TMEM131: variants seen among roughly 807,000 people sequenced by gnomAD.
TMEM131 encodes transmembrane protein 131.
TMEM131 carries 66 observed loss-of-function variants against 211.6 expected under a neutral mutation model. The observed-to-expected ratio is 0.31, with a 90% CI of 0.26 to 0.38. TMEM131 has a LOEUF of 0.38. Ranked by LOEUF, TMEM131 falls within the 10% of genes least tolerant of loss-of-function variation. The pLI, the probability that TMEM131 is intolerant of heterozygous loss-of-function variation, is 1.00. For missense variants in TMEM131, 2,036 were observed against 2,299.3 expected (o/e 0.89, Z 2.34); for synonymous variants, 844 against 841.3 (o/e 1.00, Z -0.06).
intron 3 of TMEM131, among the ~76,000 whole-genome samples, chr2:97,891,731 A>G (rs1675382954): frequency 6.6e-6 from 1 of 152,084 alleles, no homozygotes; most frequent in African/African-American, 2.4e-5. Flanking sequence ...TAAACAAAAG[A>G]TACTCTTTGG....
intron 17 of TMEM131, among the ~76,000 whole-genome samples, chr2:97,811,811 T>C (rs181020773): frequency 4.6e-5 from 7 of 152,348 alleles, no homozygotes; most frequent in Admixed American, 2.0e-4. Flanking sequence ...TATCTGATGC[T>C]CCTTCTCACA....
At chr2:97,827,770 A>T (rs1187796631) in intron 11 of TMEM131, among the ~76,000 whole-genome samples, 3 of 152,020 alleles carry the variant, frequency 2.0e-5, no homozygotes, top group Non-Finnish European at 4.4e-5. Context: ...ACAACCAGAA[A>T]ATAGTGTGGG....
chr2:97,952,548 A>C (rs902385768), intron 1 of TMEM131, among the ~76,000 whole-genome samples: 1 of 152,190 alleles, frequency 6.6e-6, no homozygotes, highest in Non-Finnish European at 1.5e-5. Context: ...CATATTTCTT[A>C]AATGCTGAAA....
At chr2:97,978,612 T>C (rs1348090233) in intron 1 of TMEM131, among the ~76,000 whole-genome samples, 1 of 152,270 alleles carries the variant, frequency 6.6e-6, no homozygotes, top group East Asian at 1.9e-4. Flanking sequence ...CTTGAACTCC[T>C]GGGCTCCATA....
chr2:97,926,112 C>CAAA (rs879920203), intron 2 of TMEM131, among the ~76,000 whole-genome samples: 1 of 88,814 alleles, frequency 1.1e-5, no homozygotes. Context: ...GACCCTGTCT[C>CAAA]AAAAAAAAAA....
chr2:97,941,808 T>G (rs930479635), intron 1 of TMEM131, among the ~76,000 whole-genome samples: 1 of 152,142 alleles, frequency 6.6e-6, no homozygotes, highest in Non-Finnish European at 1.5e-5. Context: ...TGGTGATTAT[T>G]CAAAAGTCAG....
chr2:97,815,778 G>T (rs1394416301), intron 12 of TMEM131, among the ~76,000 whole-genome samples: 13 of 152,166 alleles, frequency 8.5e-5, no homozygotes, highest in Non-Finnish European at 1.9e-4. Context: ...TGCATTGCCA[G>T]ATATCCCCTT....
At chr2:97,942,492 C>CAA (rs199817985) in intron 1 of TMEM131, among the ~76,000 whole-genome samples, 5 of 69,678 alleles carry the variant, frequency 7.2e-5, no homozygotes, top group East Asian at 7.0e-4. Flanking sequence ...AAAAAAAATA[C>CAA]AAAAAAAAAG....
At chr2:97,992,851 T>C (rs995580298) in intron 1 of TMEM131, among the ~76,000 whole-genome samples, 1 of 152,224 alleles carries the variant, frequency 6.6e-6, no homozygotes, top group African/African-American at 2.4e-5. Flanking sequence ...ACTAGTTATT[T>C]GTAGTGATTA....
rs772458220 is a variant in TMEM131 at position 97,817,065 on chromosome 2, G to A, written c.1183+1548C>T. ...CTCTTAAAGATGCTTTCCCTTTGCT[G>A]TTGTTATTTAATTTTACATATTTCT... On this transcript the variant is annotated intron_variant, in intron 12 of 40. Transcript: ENST00000186436. Among the ~76,000 whole-genome samples, 3 of 152,134 alleles carry A rather than the reference G, an allele frequency of 2.0e-5. No homozygotes were observed. In the East Asian group the frequency reaches 5.8e-4, roughly 29 times the overall value.
intron 33 of TMEM131, among the ~76,000 whole-genome samples, chr2:97,769,493 C>G (rs145692239): frequency 9.0e-4 from 137 of 152,242 alleles, no homozygotes; most frequent in African/African-American, 3.0e-3. Context: ...AGGGACATGA[C>G]CAGCTGTGGA....
At chr2:97,842,636 G>A (rs1683251452) in intron 6 of TMEM131, among the ~76,000 whole-genome samples, 2 of 152,138 alleles carry the variant, frequency 1.3e-5, no homozygotes, top group African/African-American at 4.8e-5. Context: ...CAGTGGTAGT[G>A]AGGAGGAGGG....
At chr2:97,816,550 G>A (rs1414519050) in intron 12 of TMEM131, among the ~76,000 whole-genome samples, 2 of 152,092 alleles carry the variant, frequency 1.3e-5, no homozygotes, top group Admixed American at 1.3e-4. Flanking sequence ...CCAACCTCAT[G>A]ACAAAAAAGA....
chr2:97,834,963 G>A (rs576665274), intron 8 of TMEM131, 38 bp from the exon 9 acceptor site: 2 of 1,608,090 alleles, frequency 1.2e-6, no homozygotes, highest in African/African-American at 1.3e-5. Flanking sequence ...CACAGCTTTT[G>A]TAATGTAGCA....
At chr2:97,945,369 A>G (rs1449047537) in intron 1 of TMEM131, among the ~76,000 whole-genome samples, 3 of 152,148 alleles carry the variant, frequency 2.0e-5, no homozygotes, top group African/African-American at 7.2e-5. Flanking sequence ...TTGGAATGAG[A>G]CAGTTGTGAT....
intron 29 of TMEM131, 128 bp from the exon 30 acceptor site, chr2:97,793,681 G>A (rs767550286): frequency 3.5e-4 from 339 of 975,520 alleles, no homozygotes; most frequent in Non-Finnish European, 4.8e-4. Context: ...AGTTGTCTGT[G>A]ACAACTTTTA....
intron 3 of TMEM131, among the ~76,000 whole-genome samples, chr2:97,888,942 C>T (rs1675270190): frequency 6.6e-6 from 1 of 152,080 alleles, no homozygotes; most frequent in South Asian, 2.1e-4. Context: ...ACTTTATTTC[C>T]ATCATCACTG....
At chr2:97,821,975 T>C (rs951631677) in intron 11 of TMEM131, among the ~76,000 whole-genome samples, 3 of 152,200 alleles carry the variant, frequency 2.0e-5, no homozygotes, top group Admixed American at 6.5e-5. Context: ...TGGTTGACTG[T>C]GGCCATGAGC....
chr2:97,826,573 T>C (rs1008713288), intron 11 of TMEM131, among the ~76,000 whole-genome samples: 2 of 144,512 alleles, frequency 1.4e-5, no homozygotes, highest in Non-Finnish European at 3.0e-5. Context: ...AGACAGAAAG[T>C]CAGAGAGAGA....
Sources: gnomAD v4.1 joint callset for allele counts (sites outside exome capture counted in the v4.1 genomes callset) on GRCh38, gnomAD v4.1.1 for gene constraint, MANE v1.5 for transcripts, NCBI Gene and HGNC (gene_info 2026-07-23, HGNC 2026-07-21) for gene names.